Variants in LETM1 observed in about 807,000 individuals in gnomAD.
LETM1 encodes the protein mitochondrial proton/calcium exchanger protein.
In LETM1, 50 loss-of-function variants were observed where a neutral mutation model predicts 74.5. The observed-to-expected ratio is 0.67, with a 90% CI of 0.53 to 0.85. The LOEUF (loss-of-function observed/expected upper bound fraction) is 0.85, where lower values mean the gene tolerates loss of function less well. Ranked by LOEUF, LETM1 falls within the 40% of genes least tolerant of loss-of-function variation. LETM1 has a pLI of 0.00. For synonymous variants in LETM1, 446 were observed against 407.1 expected, an observed-to-expected ratio of 1.10 and a Z score of -1.15; for missense variants, 824 against 967.8, an observed-to-expected ratio of 0.85 and a Z score of 1.97.
At chr4:1,833,166 G>A in intron 5 of LETM1, 1 of 550,674 alleles carries the variant, frequency 1.8e-6, no homozygotes, top group East Asian at 3.2e-5. Flanking sequence ...CCACCTCCTG[G>A]GTTCAAGGGA....
In LETM1 at chr4:1,814,483, C is replaced by T. The variant is rs1447987492; in HGVS notation, c.2161G>A (p.Glu721Lys). ...VATLEKEEKVEEKEKAKEKAE... is the reference protein window; with the variant it reads ...VATLEKEEKVKEKEKAKEKAE... ...TTCTCTTTGGCCTTCTCCTTCTCCT[C>T]CACCTTCTCCTCTTTTTCCAGTGTT... is the stretch of plus-strand genomic sequence containing the variant. Residue 721 changes from glutamate (E) to lysine (K), a missense_variant, in exon 14 of 14, where the codon GAG becomes AAG. Glu to Lys is a moderately conservative substitution (Grantham distance 56, BLOSUM62 1). Around this residue, in one of 4 missense-constraint regions of LETM1, gnomAD observed 161 missense variants for 252.7 expected, o/e 0.64. Coordinates refer to ENST00000302787, the MANE Select transcript of LETM1 (RefSeq NM_012318.3). The T allele has an allele frequency of 1.2e-6, 2 of 1,614,040 alleles. No homozygotes were observed. Among genetic ancestry groups the T allele is most frequent in the African/African-American group, 2.7e-5 (2 of 74,954 alleles).
At chr4:1,815,575 G>A (rs1485675237) in intron 13 of LETM1, 89 bp downstream of exon 13, 2 of 1,458,388 alleles carry the variant, frequency 1.4e-6, no homozygotes, top group South Asian at 1.3e-5. Flanking sequence ...TGCCCAGGAG[G>A]GTGCCGGACA....
At chr4:1,841,857 G>A in intron 2 of LETM1, 60 bp from the exon 3 acceptor site, 1 of 1,270,444 alleles carries the variant, frequency 7.9e-7, no homozygotes, top group Non-Finnish European at 1.1e-6. Context: ...TGACAGCTCA[G>A]CACCGAACAC....
In LETM1 at chr4:1,834,707, A is replaced by G; in HGVS notation, c.876+138T>C. ...ACTCCTGACACTCCACTGGCCCCCG[A>G]CTGAGCCTCCTGGGTAAACTTTCAA... is the stretch of plus-strand genomic sequence containing the variant. On this transcript the variant is annotated intron_variant, in intron 5 of 13. Transcript: ENST00000302787. This position sits in a 1 kb window ranked among gnomAD's most constrained non-coding sequence, Gnocchi z 5.0. 2.0e-6 allele frequency: 3 copies of G among 1,503,474 alleles called. No homozygotes were observed. Among genetic ancestry groups the G allele is most frequent in the South Asian group, 2.7e-5 (2 of 74,610 alleles). The allele number at this position is 1,503,474 out of a possible 1,614,324, so 93.1% of individuals were successfully genotyped here. A position where few individuals can be genotyped will look rare whatever the true frequency, so the allele number is the denominator to read the frequency against.
intron 2 of LETM1, among the ~76,000 whole-genome samples, chr4:1,845,393 G>T (rs1712846228): frequency 1.3e-5 from 2 of 152,096 alleles, no homozygotes; most frequent in Non-Finnish European, 2.9e-5. Flanking sequence ...ATCACCTGAG[G>T]TCAGGAGTTC....
Position 1,836,647 on chromosome 4 carries a change from C to A in LETM1, c.595-75G>T. Reference sequence around the variant, plus strand: ...AGGGCAAGGGGTGTGAGCATTTCTCCTATAATGGTTTATAGGCACAACCTC... The same window carrying A: ...AGGGCAAGGGGTGTGAGCATTTCTCATATAATGGTTTATAGGCACAACCTC... On this transcript the variant is annotated intron_variant, in intron 3 of 13. Transcript: ENST00000302787. This position sits in a 1 kb window ranked among gnomAD's most constrained non-coding sequence, Gnocchi z 5.8. 6.5e-7 allele frequency: 1 copy of A among 1,533,130 alleles called. No homozygotes were observed. Among genetic ancestry groups the A allele is most frequent in the South Asian group, 1.1e-5 (1 of 88,514 alleles). The allele number at this position is 1,533,130 out of a possible 1,614,324, so 95.0% of individuals were successfully genotyped here. A position where few individuals can be genotyped will look rare whatever the true frequency, so the allele number is the denominator to read the frequency against.
chr4:1,814,674 G>C, intron 13 of LETM1, 101 bp from the exon 14 acceptor site: 1 of 986,772 alleles, frequency 1.0e-6, no homozygotes, highest in Non-Finnish European at 1.6e-6. Flanking sequence ...TGGGGTGGCA[G>C]CAGCATGCAC....
chr4:1,826,412 G>A (rs965092350), intron 6 of LETM1, among the ~76,000 whole-genome samples: 1 of 152,230 alleles, frequency 6.6e-6, no homozygotes, highest in Non-Finnish European at 1.5e-5. Flanking sequence ...AAGCTCCCAT[G>A]CATCAGATGC....
intron 3 of LETM1, among the ~76,000 whole-genome samples, chr4:1,837,699 G>GTTTTTTTTTTTTT (rs1156556783): frequency 8.0e-6 from 1 of 125,762 alleles, no homozygotes. Context: ...AAATTTACAA[G>GTTTTTTTTTTTTT]TTTTTTTTTT....
intron 6 of LETM1, among the ~76,000 whole-genome samples, chr4:1,830,034 AGCC>A (rs1712212859): frequency 6.6e-6 from 1 of 152,158 alleles, no homozygotes; most frequent in Non-Finnish European, 1.5e-5. Flanking sequence ...TCTTTAACTG[AGCC>A]TGGGAAGTTT....
chr4:1,828,749 C>T (rs1436879683), intron 6 of LETM1, among the ~76,000 whole-genome samples: 51 of 106,626 alleles, frequency 4.8e-4, no homozygotes, highest in South Asian at 6.2e-4. Flanking sequence ...CACTTCCCAG[C>T]AGGGGCGGCC....
Position 1,836,444 on chromosome 4 carries a change from C to T in LETM1, c.723G>A (p.Glu241=). The change falls in exon 4 of 14, where the codon GAG becomes GAA. Residue 241 remains glutamate (E), a synonymous_variant. Coordinates refer to ENST00000302787, the MANE Select transcript of LETM1 (RefSeq NM_012318.3). This position sits in a 1 kb window ranked among gnomAD's most constrained non-coding sequence, Gnocchi z 5.8. ...LFPNMLPSTF[E]TQSLKEERLK... ...CTGCCCTTACCTTGAGTGACTGAGT[C>T]TCAAATGTGGATGGCAACATGTTGG... is the stretch of plus-strand genomic sequence containing the variant. 6.2e-7 allele frequency: 1 copy of T among 1,613,878 alleles called. No individual in the cohort carries two copies. Among genetic ancestry groups the T allele is most frequent in the Non-Finnish European group, 8.5e-7 (1 of 1,179,944 alleles).
In LETM1 at chr4:1,822,536, T is replaced by C. The variant is rs547313372; in HGVS notation, c.1477-224A>G. On this transcript the variant is annotated intron_variant, in intron 9 of 13. Coordinates refer to ENST00000302787, the MANE Select transcript of LETM1 (RefSeq NM_012318.3). ...GCTAGAGCACCTTATCCATCTCTGGTCTCCCCAAGACTCCCCCAAGCTGCC... is the reference window on the plus strand; with the variant it reads ...GCTAGAGCACCTTATCCATCTCTGGCCTCCCCAAGACTCCCCCAAGCTGCC... The C allele has an allele frequency of 2.0e-5, 8 of 403,898 alleles. No individual in the cohort carries two copies. In the South Asian group the frequency reaches 8.0e-4, roughly 41 times the overall value. The allele number at this position is 403,898 out of a possible 1,614,324, so 25.0% of individuals were successfully genotyped here.
At chr4:1,822,051 T>C (rs1294465067) in intron 10 of LETM1, 130 bp downstream of exon 10, 21 of 976,568 alleles carry the variant, frequency 2.2e-5, no homozygotes, top group Non-Finnish European at 2.8e-5. Context: ...CCTCAACCCC[T>C]TGCACCATCT....
intron 1 of LETM1, among the ~76,000 whole-genome samples, chr4:1,851,710 T>C (rs1481311836): frequency 3.3e-5 from 5 of 152,202 alleles, no homozygotes; most frequent in Non-Finnish European, 5.9e-5. Context: ...CAGCGCATTC[T>C]CCGCTATCCT....
intron 6 of LETM1, among the ~76,000 whole-genome samples, chr4:1,828,726 CA>C (rs1712125692): frequency 7.2e-6 from 1 of 139,236 alleles, no homozygotes; most frequent in African/African-American, 2.7e-5. Context: ...GCTGGCCGGG[CA>C]GAGGGGCTCC....
chr4:1,840,308 C>T (rs1040602627), intron 3 of LETM1, among the ~76,000 whole-genome samples: 17 of 151,960 alleles, frequency 1.1e-4, no homozygotes, highest in Admixed American at 1.3e-4. Flanking sequence ...ACCCAGGAGG[C>T]GGAGGTTGCA....
At chr4:1,827,835 G>A (rs1363293630) in intron 6 of LETM1, among the ~76,000 whole-genome samples, 2 of 151,050 alleles carry the variant, frequency 1.3e-5, no homozygotes, top group Non-Finnish European at 3.0e-5. Flanking sequence ...TGGCCGGGCA[G>A]AGGGGCTCCT....
At chr4:1,847,753 G>C (rs888162767) in intron 2 of LETM1, among the ~76,000 whole-genome samples, 25 of 150,866 alleles carry the variant, frequency 1.7e-4, no homozygotes, top group Non-Finnish European at 3.1e-4. Flanking sequence ...GAACCCGGGA[G>C]GCAGAGGTTG....
Sources: gnomAD v4.1 joint callset for allele counts (sites outside exome capture counted in the v4.1 genomes callset) on GRCh38, gnomAD v4.1.1 for gene constraint, gnomAD v4.1.1 regional missense constraint, Gnocchi (gnomAD v3.1) non-coding constraint, MANE v1.5 for transcripts, NCBI Gene and HGNC (gene_info 2026-07-23, HGNC 2026-07-21) for gene names.